The following LOC128462377 variants were observed in gnomAD, a reference collection of about 807,000 sequenced individuals.
At chr16:89,331,184 C>A in the LOC128462377 span, among the ~76,000 whole-genome samples, 3 of 152,196 alleles carry the variant, frequency 2.0e-5, no homozygotes, top group Non-Finnish European at 4.4e-5. Flanking sequence ...GAACTCCTGA[C>A]CTCAGGTGAT....
chr16:89,356,780 C>CAA, the LOC128462377 span, among the ~76,000 whole-genome samples: 312 of 103,708 alleles, frequency 3.0e-3, 2 homozygotes, highest in East Asian at 0.023. Context: ...GACTCCGTCT[C>CAA]AAAAAAAAAA....
At chr16:89,383,300 AC>A in the LOC128462377 span, among the ~76,000 whole-genome samples, 1 of 152,036 alleles carries the variant, frequency 6.6e-6, no homozygotes, top group Non-Finnish European at 1.5e-5. Context: ...TTTCCAGGGA[AC>A]CCCTCCTAGC....
the LOC128462377 span, among the ~76,000 whole-genome samples, chr16:89,404,718 A>C: frequency 2.6e-5 from 4 of 152,256 alleles, no homozygotes; most frequent in African/African-American, 9.6e-5. Context: ...CACAGAGGTG[A>C]AGCCTGGAGA....
the LOC128462377 span, among the ~76,000 whole-genome samples, chr16:89,408,206 AACTCCCTGAGAGAGCTC>A: frequency 6.6e-6 from 1 of 152,160 alleles, no homozygotes; most frequent in Non-Finnish European, 1.5e-5. Flanking sequence ...TCGGCCAAGA[AACTCCCTGAGAGAGCTC>A]ACACCAGCGC....
chr16:89,338,087 A>T, the LOC128462377 span, among the ~76,000 whole-genome samples: 1 of 152,256 alleles, frequency 6.6e-6, no homozygotes, highest in African/African-American at 2.4e-5. Flanking sequence ...CAGGAGCCCC[A>T]GGGGCCCCCA....
the LOC128462377 span, among the ~76,000 whole-genome samples, chr16:89,345,305 G>C: frequency 4.6e-4 from 62 of 134,916 alleles, no homozygotes; most frequent in African/African-American, 1.8e-3. Flanking sequence ...ACAAACGGAT[G>C]GAAAGCACTC....
At chr16:89,372,863 C>T in the LOC128462377 span, 1 of 152,194 alleles carries the variant, frequency 6.6e-6, no homozygotes, top group Non-Finnish European at 1.5e-5. Context: ...CTGCACCACC[C>T]GTTCATCAGT....
the LOC128462377 span, among the ~76,000 whole-genome samples, chr16:89,349,773 C>T: frequency 6.6e-6 from 1 of 151,506 alleles, no homozygotes; most frequent in Non-Finnish European, 1.5e-5. Flanking sequence ...CAAGACAAAA[C>T]TATGAAGTTG....
At chr16:89,391,568 C>CT in the LOC128462377 span, among the ~76,000 whole-genome samples, 1 of 152,204 alleles carries the variant, frequency 6.6e-6, no homozygotes, top group East Asian at 1.9e-4. Flanking sequence ...AAGGAAAAAT[C>CT]TGAGTTTTCC....
chr16:89,416,243 A>G, the LOC128462377 span, among the ~76,000 whole-genome samples: 1 of 152,130 alleles, frequency 6.6e-6, no homozygotes. Flanking sequence ...TCCTGTCAGC[A>G]GAGTTGCTGA....
chr16:89,325,416 C>A, the LOC128462377 span, among the ~76,000 whole-genome samples: 1 of 151,044 alleles, frequency 6.6e-6, no homozygotes, highest in Admixed American at 6.6e-5. Context: ...CCAGCCCGGG[C>A]GTCAGAGCCA....
the LOC128462377 span, chr16:89,317,189 T>C: frequency 1.2e-6 from 1 of 820,710 alleles, no homozygotes; most frequent in Non-Finnish European, 2.0e-6. Context: ...GCAGCTGCTC[T>C]GATCAGGGCT....
At chr16:89,368,947 A>AAG in the LOC128462377 span, among the ~76,000 whole-genome samples, 1 of 152,196 alleles carries the variant, frequency 6.6e-6, no homozygotes, top group Admixed American at 6.5e-5. Context: ...GTGGGACTCT[A>AAG]AGAGAAGGTC....
At chr16:89,317,079 C>T in the LOC128462377 span, 2 of 1,542,546 alleles carry the variant, frequency 1.3e-6, no homozygotes, top group African/African-American at 2.7e-5. Flanking sequence ...CAACCGTCTG[C>T]TTCAAAAGAG....
the LOC128462377 span, among the ~76,000 whole-genome samples, chr16:89,373,965 C>T: frequency 6.6e-6 from 1 of 152,248 alleles, no homozygotes; most frequent in East Asian, 1.9e-4. Context: ...GGCCCTGGCC[C>T]ACTCGACATC....
chr16:89,417,978 T>C, the LOC128462377 span, among the ~76,000 whole-genome samples: 1 of 152,338 alleles, frequency 6.6e-6, no homozygotes, highest in East Asian at 1.9e-4. Flanking sequence ...CATCTGAGGA[T>C]GAAGAAAATT....
the LOC128462377 span, among the ~76,000 whole-genome samples, chr16:89,390,720 G>GT: frequency 2.6e-5 from 4 of 152,176 alleles, no homozygotes; most frequent in Non-Finnish European, 5.9e-5. Context: ...GCCAGCACCC[G>GT]TAAGTCCTGC....
the LOC128462377 span, among the ~76,000 whole-genome samples, chr16:89,376,408 C>T: frequency 2.0e-5 from 3 of 152,106 alleles, no homozygotes; most frequent in African/African-American, 7.2e-5. Context: ...GGAATATCAT[C>T]GAGGAAAAAG....
chr16:89,397,996 A>C, the LOC128462377 span, among the ~76,000 whole-genome samples: 1 of 152,248 alleles, frequency 6.6e-6, no homozygotes, highest in Non-Finnish European at 1.5e-5. Context: ...ACAACCACAA[A>C]GCGCCTGTCA....
Sources: allele counts gnomAD v4.1 joint callset (sites outside exome capture counted in the v4.1 genomes callset), GRCh38; gene constraint gnomAD v4.1.1; transcripts MANE v1.5.